SMYD3: variants seen among roughly 807,000 people sequenced by gnomAD.
SMYD3 encodes histone-lysine N-methyltransferase SMYD3.
In SMYD3, 36 loss-of-function variants were observed where a neutral mutation model predicts 57.7. The observed-to-expected ratio is 0.62, with a 90% CI of 0.48 to 0.82. The LOEUF is 0.82. SMYD3 is among the 40% of genes least tolerant of loss of function. SMYD3 has a pLI of 0.00. For synonymous variants in SMYD3, 211 were observed against 195.0 expected, an observed-to-expected ratio of 1.08 and a Z score of -0.68; for missense variants, 515 against 538.8, an observed-to-expected ratio of 0.96 and a Z score of 0.44.
intron 11 of SMYD3, among the ~76,000 whole-genome samples, chr1:245,762,508 A>AC (rs1320307337): frequency 6.6e-6 from 1 of 152,060 alleles, no homozygotes; most frequent in Non-Finnish European, 1.5e-5. Context: ...GCTGACAAGT[A>AC]CCCCCAGACC....
intron 10 of SMYD3, among the ~76,000 whole-genome samples, chr1:245,842,044 C>T (rs1226868210): frequency 6.6e-6 from 1 of 152,164 alleles, no homozygotes; most frequent in Non-Finnish European, 1.5e-5. Context: ...ACAATAATGT[C>T]CTGTACAGGT....
intron 5 of SMYD3, among the ~76,000 whole-genome samples, chr1:246,299,416 T>C (rs1479067648): frequency 6.6e-6 from 1 of 152,092 alleles, no homozygotes; most frequent in African/African-American, 2.4e-5. Flanking sequence ...AGTTCAACCA[T>C]TGTGGAAAAC....
At chr1:246,378,319 G>A (rs1236122545) in intron 1 of SMYD3, among the ~76,000 whole-genome samples, 3 of 152,264 alleles carry the variant, frequency 2.0e-5, no homozygotes, top group African/African-American at 7.2e-5. Flanking sequence ...TCCTGGGTGT[G>A]TCTGTGAGGG....
chr1:245,787,627 T>TAA (rs35007742), intron 10 of SMYD3, among the ~76,000 whole-genome samples: 45 of 146,358 alleles, frequency 3.1e-4, no homozygotes, highest in East Asian at 7.9e-4. Flanking sequence ...ATCAGGGTGT[T>TAA]AAAAAAAAAA....
chr1:246,238,117 G>A (rs1480178663), intron 5 of SMYD3, among the ~76,000 whole-genome samples: 1 of 152,038 alleles, frequency 6.6e-6, no homozygotes, highest in Non-Finnish European at 1.5e-5. Context: ...AGGATGAAGT[G>A]CAGTGGCACG....
At chr1:246,488,550 G>T (rs532825071) in intron 1 of SMYD3, among the ~76,000 whole-genome samples, 1 of 152,318 alleles carries the variant, frequency 6.6e-6, no homozygotes, top group Non-Finnish European at 1.5e-5. Context: ...GCCAGGTGTG[G>T]TGGTGCATGC....
intron 5 of SMYD3, among the ~76,000 whole-genome samples, chr1:246,287,072 A>G (rs1345608732): frequency 6.6e-6 from 1 of 152,018 alleles, no homozygotes; most frequent in Non-Finnish European, 1.5e-5. Context: ...GGGTTTCACC[A>G]TGTTGGCCAG....
At chr1:245,900,109 GA>G (rs1291383990) in intron 8 of SMYD3, among the ~76,000 whole-genome samples, 2 of 152,018 alleles carry the variant, frequency 1.3e-5, no homozygotes, top group Non-Finnish European at 2.9e-5. Context: ...CTCCTTCTCT[GA>G]AAAACCCTAA....
At position 246,143,282 on chromosome 1, in the gene SMYD3, A is replaced by G. The variant is rs1572100248; in HGVS notation, c.531+183919T>C. Among the ~76,000 whole-genome samples the G allele has an allele frequency of 3.9e-5, 6 of 152,346 alleles. No individual in the cohort carries two copies. The South Asian group carries it at 1.2e-3, about 32-fold the overall frequency. Reference sequence around the variant, plus strand: ...GAAATACGTCTTCCCAAAGGCTTCAAAACAGGTGCCTTTCTTTGTAAGTTT... The same window carrying G: ...GAAATACGTCTTCCCAAAGGCTTCAGAACAGGTGCCTTTCTTTGTAAGTTT... On this transcript the variant is annotated intron_variant, in intron 5 of 11. Coordinates refer to ENST00000490107, the MANE Select transcript of SMYD3 (RefSeq NM_001167740.2).
intron 5 of SMYD3, among the ~76,000 whole-genome samples, chr1:246,108,071 C>T (rs1417909043): frequency 6.6e-5 from 10 of 152,140 alleles, no homozygotes; most frequent in Non-Finnish European, 1.2e-4. Context: ...AAAATTATAA[C>T]GGACTTACAG....
chr1:246,468,411 C>T lies in SMYD3; in HGVS notation c.164+38643G>A, dbSNP rs111751445. Among the ~76,000 whole-genome samples the T allele has an allele frequency of 8.9e-3, 1,339 of 150,830 alleles. 25 individuals carry two copies. Among genetic ancestry groups the T allele is most frequent in the African/African-American group, 0.029 (1,200 of 41,094 alleles). ...ATCCCAGAACTCTGGGAGGTTGAGG[C>T]GGGCAAATCGCTTGGGCTCAGGAGT... is the stretch of plus-strand genomic sequence containing the variant. On this transcript the variant is annotated intron_variant, in intron 1 of 11. Coordinates refer to ENST00000490107, the MANE Select transcript of SMYD3 (RefSeq NM_001167740.2).
rs976583042 is a variant in SMYD3, at chr1:246,203,899, C to T, written c.531+123302G>A. Among the ~76,000 whole-genome samples, 5 of 152,158 alleles carry T rather than the reference C, an allele frequency of 3.3e-5. No homozygotes were observed. Among genetic ancestry groups the T allele is most frequent in the Admixed American group, 6.5e-5 (1 of 15,268 alleles). Reference sequence around the variant, plus strand: ...CCCCCTGTCCTATCTAGCTGCTTCCCATCACTGCCAAGATGTGAAAATACC... The same window carrying T: ...CCCCCTGTCCTATCTAGCTGCTTCCTATCACTGCCAAGATGTGAAAATACC... On this transcript the variant is annotated intron_variant, in intron 5 of 11. Transcript: ENST00000490107. The surrounding 1 kb of genome is among the most constrained non-coding windows in gnomAD (Gnocchi z 4.6).
chr1:246,430,353 T>C (rs1229505413), intron 1 of SMYD3, among the ~76,000 whole-genome samples: 2 of 152,208 alleles, frequency 1.3e-5, no homozygotes, highest in Admixed American at 6.5e-5. Context: ...TGAGGATCTA[T>C]TTAAGAGAGG....
chr1:245,757,414 A>G (rs1204794906), intron 11 of SMYD3, among the ~76,000 whole-genome samples: 2 of 151,886 alleles, frequency 1.3e-5, no homozygotes, highest in Non-Finnish European at 2.9e-5. Context: ...GATGCCCAAA[A>G]GTGTTTAATT....
intron 1 of SMYD3, among the ~76,000 whole-genome samples, chr1:246,501,124 G>A (rs2068449520): frequency 6.6e-6 from 1 of 152,158 alleles, no homozygotes; most frequent in East Asian, 1.9e-4. Context: ...GGCCTCCAAG[G>A]AAGAGTCTGT....
intron 5 of SMYD3, among the ~76,000 whole-genome samples, chr1:245,982,189 C>T (rs1258003256): frequency 6.6e-6 from 1 of 152,204 alleles, no homozygotes; most frequent in Non-Finnish European, 1.5e-5. Context: ...GGCTGGAGTG[C>T]GGTAGCATGA....
intron 7 of SMYD3, among the ~76,000 whole-genome samples, chr1:245,920,109 T>G (rs4654070): frequency 0.64 from 96,777 of 151,944 alleles, 36,308 homozygotes; most frequent in Non-Finnish European, 0.83. Flanking sequence ...GTCAGGAGAT[T>G]GAGACCATCC....
intron 5 of SMYD3, among the ~76,000 whole-genome samples, chr1:246,041,500 C>T (rs1002996627): frequency 6.6e-6 from 1 of 152,180 alleles, no homozygotes; most frequent in East Asian, 1.9e-4. Flanking sequence ...AGTTAAACTT[C>T]TTTTGTGAAA....
At chr1:246,063,278 G>A (rs372340277) in intron 5 of SMYD3, among the ~76,000 whole-genome samples, 6 of 152,180 alleles carry the variant, frequency 3.9e-5, no homozygotes, top group East Asian at 3.9e-4. Context: ...CTGTGATAAC[G>A]TGAGAAATGT....
Sources: allele counts gnomAD v4.1 joint callset (sites outside exome capture counted in the v4.1 genomes callset), GRCh38; gene constraint gnomAD v4.1.1; non-coding constraint Gnocchi (gnomAD v3.1); transcripts MANE v1.5; gene names NCBI Gene and HGNC (gene_info 2026-07-23, HGNC 2026-07-21).